The following CEP250 variants were observed in gnomAD, a reference collection of about 807,000 sequenced individuals.
CEP250 encodes centrosomal protein 250, also known as centrosome-associated protein CEP250.
A neutral mutation model predicts 315.7 loss-of-function variants in CEP250; 242 were observed. That is an observed-to-expected ratio of 0.77 (90% confidence interval 0.69 to 0.85). The LOEUF is 0.85. Among genes scored for constraint, CEP250 ranks in the 40% least tolerant of loss-of-function variants. The pLI, the probability that CEP250 is intolerant of heterozygous loss-of-function variation, is 0.00. For missense variants in CEP250, 2,515 were observed against 2,886.4 expected, an observed-to-expected ratio of 0.87 and a Z score of 2.95; for synonymous variants, 1,088 against 1,175.0, an observed-to-expected ratio of 0.93 and a Z score of 1.51.
At chr20:35,485,645 C>CTTTCTTTTT (rs2063489832) in intron 20 of CEP250, among the ~76,000 whole-genome samples, 1 of 33,788 alleles carries the variant, frequency 3.0e-5, no homozygotes, top group African/African-American at 1.2e-4. Flanking sequence ...GTCTGCCTGG[C>CTTTCTTTTT]TTTTTTTTTT....
chr20:35,489,236 AAGT>A (rs1460473922), intron 20 of CEP250, among the ~76,000 whole-genome samples: 1 of 151,436 alleles, frequency 6.6e-6, no homozygotes, highest in African/African-American at 2.4e-5. Flanking sequence ...GCAAGGAGGC[AAGT>A]GTGTGTAGCC....
chr20:35,476,759 T>C, intron 16 of CEP250, 164 bp downstream of exon 16: 2 of 566,682 alleles, frequency 3.5e-6, no homozygotes, highest in Non-Finnish European at 6.0e-6. Context: ...AATATTCCCC[T>C]CCCACACCTC....
rs765448196 is a variant in CEP250, at chr20:35,477,821, C to G, written c.1864-50C>G. 5 of 1,430,280 alleles carry G rather than the reference C, an allele frequency of 3.5e-6. No individual in the cohort carries two copies. In the Admixed American group the frequency reaches 6.1e-5, roughly 17 times the overall value. 88.6% of individuals were successfully genotyped at this position (1,430,280 alleles called of 1,614,324 possible). Reference sequence around the variant, plus strand: ...TCAGTCTTAGCATTTGATTCCTAAACTAACCATTTGTCTTTGATGCTTGTA... The same window carrying G: ...TCAGTCTTAGCATTTGATTCCTAAAGTAACCATTTGTCTTTGATGCTTGTA... On this transcript the variant is annotated intron_variant, in intron 16 of 34. Coordinates refer to ENST00000397527, the MANE Select transcript of CEP250 (RefSeq NM_007186.6).
At position 35,504,026 on chromosome 20, in the gene CEP250, A is replaced by C. The variant is rs2064104062; in HGVS notation, c.5657A>C (p.Glu1886Ala). The change falls in exon 30 of 35, where the codon GAG (glutamate) becomes GCG (alanine). Residue 1886 changes from glutamate to alanine, a missense_variant. Physicochemically the swap from Glu to Ala is moderately radical, Grantham distance 107. Coordinates refer to ENST00000397527, the MANE Select transcript of CEP250 (RefSeq NM_007186.6). ...AVEGRRVQALEEVLGDLRAES... is the reference protein window; with the variant it reads ...AVEGRRVQALAEVLGDLRAES... Reference sequence around the variant, plus strand: ...GAGGGACGGCGGGTCCAGGCCCTGGAGGAGGTGCTGGGAGACCTAAGGGCT... The same window carrying C: ...GAGGGACGGCGGGTCCAGGCCCTGGCGGAGGTGCTGGGAGACCTAAGGGCT... 1 of 1,607,850 alleles carries C rather than the reference A, an allele frequency of 6.2e-7. No homozygotes were observed. The highest frequency in any genetic ancestry group is 1.7e-5 in the Admixed American group (1 of 59,330).
At chr20:35,493,961 G>T (rs2063766104) in intron 23 of CEP250, among the ~76,000 whole-genome samples, 1 of 152,190 alleles carries the variant, frequency 6.6e-6, no homozygotes, top group Admixed American at 6.5e-5. Context: ...GCCTTTGGGA[G>T]TAGTTATAGT....
chr20:35,467,221 C>T (rs2062905219), intron 8 of CEP250, 83 bp from the exon 9 acceptor site: 6 of 1,511,962 alleles, frequency 4.0e-6, no homozygotes, highest in Non-Finnish European at 4.5e-6. Flanking sequence ...CCCAGCCCTG[C>T]TCCTCAGGCT....
intron 4 of CEP250, among the ~76,000 whole-genome samples, 195 bp downstream of exon 4, chr20:35,462,748 G>A (rs1032558480): frequency 2.6e-5 from 4 of 152,134 alleles, no homozygotes; most frequent in South Asian, 2.1e-4. Context: ...CATGAGGTAC[G>A]TATTATATCC....
Position 35,493,487 on chromosome 20 carries a change from C to G in CEP250, c.2948C>G (p.Ala983Gly). 6.2e-7 allele frequency: 1 copy of G among 1,610,118 alleles called. No individual in the cohort carries two copies. Among genetic ancestry groups the G allele is most frequent in the South Asian group, 1.1e-5 (1 of 90,248 alleles). Residue 983 changes from alanine to glycine, a missense_variant, in exon 23 of 35, where the codon GCA becomes GGA. Physicochemically the swap from Ala to Gly is moderately conservative, Grantham distance 60 (BLOSUM62 0). Transcript: ENST00000397527. ...LQEAQRELKE[A>G]ARQHRDDLAA... ...GAGGCTCAACGGGAGCTGAAGGAGG[C>G]AGCCCGGCAGCACAGAGATGACCTT...
chr20:35,517,126 CT>C lies in CEP250; in HGVS notation c.*5502del. 1 of 589,754 alleles carries C rather than the reference CT, an allele frequency of 1.7e-6. No homozygotes were observed. Among genetic ancestry groups the C allele is most frequent in the Non-Finnish European group, 2.1e-6 (1 of 468,056 alleles). 36.5% of individuals were successfully genotyped at this position (589,754 alleles called of 1,614,324 possible). On this transcript the variant is annotated 3_prime_UTR_variant, in exon 35 of 35. Coordinates refer to ENST00000397527, the MANE Select transcript of CEP250 (RefSeq NM_007186.6). ...TCCGCAGAACACCTCCTTCCAGCAC[CT>C]TAGCTCCTGCCTCCCTCTGGACCTA...
intron 23 of CEP250, 186 bp from the exon 24 acceptor site, chr20:35,494,338 A>G: frequency 1.5e-6 from 1 of 657,258 alleles, no homozygotes; most frequent in Non-Finnish European, 2.5e-6. Flanking sequence ...GCAGATGACC[A>G]GGCCGAATTG....
intron 33 of CEP250, 122 bp from the exon 34 acceptor site, chr20:35,509,876 T>A: frequency 1.2e-6 from 1 of 854,778 alleles, no homozygotes; most frequent in Non-Finnish European, 2.0e-6. Flanking sequence ...TGAGTTCAGA[T>A]GCTTCTGGCC....
rs1230087657 is a variant in CEP250, at chr20:35,503,517, A to G, written c.5148A>G (p.Pro1716=). Residue 1716 remains proline, a synonymous_variant, in exon 30 of 35, where the codon CCA becomes CCG. Coordinates refer to ENST00000397527, the MANE Select transcript of CEP250 (RefSeq NM_007186.6). This position sits in a 1 kb window ranked among gnomAD's most constrained non-coding sequence, Gnocchi z 4.2. ...MQERAEEGKG[P]SKAQRGSLEH... ...AACGGGCAGAGGAAGGGAAGGGCCC[A>G]AGTAAAGCACAGCGCGGGAGCCTAG... The G allele has an allele frequency of 1.9e-6, 3 of 1,614,004 alleles. No homozygotes were observed. The highest frequency in any genetic ancestry group is 2.2e-5 in the East Asian group (1 of 44,886).
rs145029548 is a variant in CEP250, at chr20:35,463,597, G to A, written c.209G>A (p.Cys70Tyr). The change falls in exon 5 of 35, where the codon TGC becomes TAC. Residue 70 changes from cysteine (C) to tyrosine (Y), a missense_variant. Cys to Tyr is a radical substitution (Grantham distance 194, BLOSUM62 -2). Coordinates refer to ENST00000397527, the MANE Select transcript of CEP250 (RefSeq NM_007186.6). ...QAKVLQYRSW[C>Y]QELEKRLEAT... The stretch of plus-strand genomic sequence containing the variant: ...CAGGTGCTGCAGTACCGAAGCTGGT[G>A]CCAAGAGCTGGAGAAGCGGCTAGAA... The A allele has an allele frequency of 1.2e-6, 2 of 1,609,894 alleles. No homozygotes were observed. Among genetic ancestry groups the A allele is most frequent in the Non-Finnish European group, 1.7e-6 (2 of 1,178,046 alleles).
intron 30 of CEP250, among the ~76,000 whole-genome samples, chr20:35,505,621 C>G (rs188344656): frequency 2.2e-5 from 3 of 138,126 alleles, no homozygotes; most frequent in African/African-American, 2.7e-5. Flanking sequence ...CCATTGCACT[C>G]GAGCCTGGGC....
rs1188010109 is a variant in CEP250 at position 35,516,479 on chromosome 20, A to G, written c.*4853A>G. 2.6e-5 allele frequency: 4 copies of G among 152,192 alleles called. No individual in the cohort carries two copies. Among genetic ancestry groups the G allele is most frequent in the Non-Finnish European group, 5.9e-5 (4 of 68,056 alleles). 9.4% of individuals were successfully genotyped at this position (152,192 alleles called of 1,614,324 possible). Reference sequence around the variant, plus strand: ...TTCTGCTGTTGTATGTGGTTTGATGATTCATGCTGGAGCCTTTGGCTATAA... The same window carrying G: ...TTCTGCTGTTGTATGTGGTTTGATGGTTCATGCTGGAGCCTTTGGCTATAA... On this transcript the variant is annotated 3_prime_UTR_variant, in exon 35 of 35. Transcript: ENST00000397527.
chr20:35,493,750 G>A (rs936650205), intron 23 of CEP250, among the ~76,000 whole-genome samples, 178 bp downstream of exon 23: 1 of 152,162 alleles, frequency 6.6e-6, no homozygotes, highest in African/African-American at 2.4e-5. Context: ...CATGTGCCTG[G>A]CAGAGCCCTG....
chr20:35,504,960 A>T lies in CEP250; in HGVS notation c.6591A>T (p.Leu2197=). ...GTCTGCAGGAGGTAGCCATGTTCCTACAAGCCTCTGTCCTGGAGCGGGACT... is the reference window on the plus strand; with the variant it reads ...GTCTGCAGGAGGTAGCCATGTTCCTTCAAGCCTCTGTCCTGGAGCGGGACT... ...VSSLQEVAMF[L]QASVLERDSE... is the part of the protein sequence containing the mutation. Residue 2197 remains leucine (L), a synonymous_variant, in exon 30 of 35, where the codon CTA becomes CTT. Coordinates refer to ENST00000397527, the MANE Select transcript of CEP250 (RefSeq NM_007186.6). 1 of 1,613,814 alleles carries T rather than the reference A, an allele frequency of 6.2e-7. No individual in the cohort carries two copies. The highest frequency in any genetic ancestry group is 8.5e-7 in the Non-Finnish European group (1 of 1,179,770).
chr20:35,471,249 T>G (rs377401459), intron 10 of CEP250, among the ~76,000 whole-genome samples: 2 of 152,160 alleles, frequency 1.3e-5, no homozygotes, highest in East Asian at 1.9e-4. Context: ...AGGGGACACT[T>G]GAGCTCAGTA....
intron 2 of CEP250, among the ~76,000 whole-genome samples, chr20:35,458,577 G>T (rs1038647326): frequency 1.5e-5 from 2 of 130,942 alleles, no homozygotes; most frequent in African/African-American, 5.7e-5. Flanking sequence ...CAATTTGTTA[G>T]TTTGCCAGCT....
Sources: allele counts gnomAD v4.1 joint callset (sites outside exome capture counted in the v4.1 genomes callset), GRCh38; gene constraint gnomAD v4.1.1; non-coding constraint Gnocchi (gnomAD v3.1); transcripts MANE v1.5; gene names NCBI Gene and HGNC (gene_info 2026-07-23, HGNC 2026-07-21).